The following CEP128 variants were observed in gnomAD, a reference collection of about 807,000 sequenced individuals.
The protein encoded by CEP128 is centrosomal protein 128kDa.
CEP128 carries 132 observed loss-of-function variants against 156.7 expected under a neutral mutation model. The ratio of observed to expected loss-of-function variants is 0.84; its 90% CI spans 0.73 to 0.97. CEP128 has a LOEUF of 0.97. Ranked by LOEUF, CEP128 falls within the 50% of genes least tolerant of loss-of-function variation. CEP128 has a pLI of 0.00. For missense variants in CEP128, 1,252 were observed against 1,281.9 expected, an observed-to-expected ratio of 0.98 and a Z score of 0.36; for synonymous variants, 469 against 448.9, an observed-to-expected ratio of 1.04 and a Z score of -0.57.
intron 14 of CEP128, among the ~76,000 whole-genome samples, chr14:80,788,242 G>T (rs1901514548): frequency 6.7e-6 from 1 of 149,948 alleles, no homozygotes; most frequent in African/African-American, 2.5e-5. Context: ...TTTATCTTGA[G>T]GCAAATCAAA....
intron 7 of CEP128, among the ~76,000 whole-genome samples, chr14:80,897,430 T>C (rs898916124): frequency 2.0e-5 from 3 of 152,202 alleles, no homozygotes; most frequent in Non-Finnish European, 4.4e-5. Flanking sequence ...ACAGAGACTT[T>C]TCCTTTGAGC....
At position 80,512,735 on chromosome 14, in the gene CEP128, C is replaced by T. The variant is rs559547944; in HGVS notation, c.3073-7715G>A. On this transcript the variant is annotated intron_variant, in intron 23 of 24. Coordinates refer to ENST00000555265, the MANE Select transcript of CEP128 (RefSeq NM_152446.5). ...TCTTGCTTTTTATTTTTTGTGTATCCATTGTAGGTTTTTTGATTTAAGGTT... is the reference window on the plus strand; with the variant it reads ...TCTTGCTTTTTATTTTTTGTGTATCTATTGTAGGTTTTTTGATTTAAGGTT... 1.5e-4 allele frequency among the ~76,000 whole-genome samples: 23 copies of T among 151,774 alleles called. No individual in the cohort carries two copies. The South Asian group carries it at 4.4e-3, about 29-fold the overall frequency.
chr14:80,932,503 A>G (rs1007155832), intron 2 of CEP128, among the ~76,000 whole-genome samples: 1 of 152,200 alleles, frequency 6.6e-6, no homozygotes, highest in Non-Finnish European at 1.5e-5. Context: ...TGCACCAAAA[A>G]GCCTGCTTCC....
intron 24 of CEP128, among the ~76,000 whole-genome samples, chr14:80,498,942 T>C (rs997210077): frequency 1.3e-5 from 2 of 152,170 alleles, no homozygotes; most frequent in African/African-American, 2.4e-5. Context: ...AGAGAGTACC[T>C]TGTCAACTTG....
At chr14:80,750,069 C>T (rs1041454298) in intron 18 of CEP128, among the ~76,000 whole-genome samples, 2 of 152,158 alleles carry the variant, frequency 1.3e-5, no homozygotes, top group African/African-American at 2.4e-5. Flanking sequence ...TTTCAACCTC[C>T]TGTCAATAGA....
chr14:80,904,813 C>G lies in CEP128; in HGVS notation c.480G>C (p.Gln160His), dbSNP rs1883787671. The G allele has an allele frequency of 6.7e-7, 1 of 1,486,256 alleles. No homozygotes were observed. The highest frequency in any genetic ancestry group is 1.1e-5 in the South Asian group (1 of 88,512). 92.1% of individuals were successfully genotyped at this position (1,486,256 alleles called of 1,614,324 possible). A position where few individuals can be genotyped will look rare whatever the true frequency, so the allele number is the denominator to read the frequency against. ...RFVQETDDMT[Q>H]LHGFHQSLRD... Reference sequence around the variant, plus strand: ...CAAATTACAGAATGGTACAAAGTACCTGAGTCATATCATCAGTCTCTTGAA... The same window carrying G: ...CAAATTACAGAATGGTACAAAGTACGTGAGTCATATCATCAGTCTCTTGAA... The change falls in exon 6 of 25, where the codon CAG (glutamine) becomes CAC (histidine). Residue 160 changes from glutamine (Q) to histidine (H), a missense_variant and splice_region_variant. Gln to His is a conservative substitution (Grantham distance 24). Coordinates refer to ENST00000555265, the MANE Select transcript of CEP128 (RefSeq NM_152446.5).
At chr14:80,878,691 C>G (rs1017834587) in intron 8 of CEP128, among the ~76,000 whole-genome samples, 3 of 152,078 alleles carry the variant, frequency 2.0e-5, no homozygotes, top group Admixed American at 6.5e-5. Context: ...AGAACCACAG[C>G]TGCTTCCCAA....
chr14:80,532,575 C>T (rs1889277952), intron 21 of CEP128, among the ~76,000 whole-genome samples: 1 of 152,152 alleles, frequency 6.6e-6, no homozygotes, highest in African/African-American at 2.4e-5. Flanking sequence ...CTAACCCTTC[C>T]TTACAGACAC....
intron 19 of CEP128, among the ~76,000 whole-genome samples, chr14:80,721,383 CAT>C (rs1486512735): frequency 1.3e-5 from 2 of 152,142 alleles, no homozygotes; most frequent in Non-Finnish European, 2.9e-5. Context: ...CCATGAGCCA[CAT>C]ATGACTATTA....
At chr14:80,906,189 CA>C (rs991248541) in intron 4 of CEP128, 108 bp from the exon 5 acceptor site, 27 of 783,944 alleles carry the variant, frequency 3.4e-5, no homozygotes, top group Non-Finnish European at 4.4e-5. Flanking sequence ...GGGTTCCCCC[CA>C]AAAAAAGGTA....
intron 8 of CEP128, among the ~76,000 whole-genome samples, chr14:80,883,657 C>T (rs1456920001): frequency 6.6e-6 from 1 of 151,990 alleles, no homozygotes; most frequent in Non-Finnish European, 1.5e-5. Context: ...GTTAAAATGT[C>T]CATACTACCC....
chr14:80,953,182 T>G (rs1415479458), intron 2 of CEP128, among the ~76,000 whole-genome samples: 1 of 150,306 alleles, frequency 6.7e-6, no homozygotes, highest in African/African-American at 2.5e-5. Context: ...TACCAAAATT[T>G]GACAAAGAAG....
At chr14:80,543,091 A>G (rs796695363) in intron 21 of CEP128, among the ~76,000 whole-genome samples, 35 of 152,362 alleles carry the variant, frequency 2.3e-4, no homozygotes, top group African/African-American at 7.5e-4. Flanking sequence ...GGCAGATCAG[A>G]TCTAAACAGA....
chr14:80,862,365 G>C (rs369181630), intron 9 of CEP128, among the ~76,000 whole-genome samples: 31 of 152,290 alleles, frequency 2.0e-4, no homozygotes, highest in African/African-American at 5.8e-4. Context: ...ATGACCCCTG[G>C]TCTAGTCTAT....
intron 19 of CEP128, among the ~76,000 whole-genome samples, chr14:80,733,565 TC>T (rs1898386420): frequency 6.6e-6 from 1 of 152,164 alleles, no homozygotes; most frequent in Non-Finnish European, 1.5e-5. Context: ...AATCTTTTTT[TC>T]AAATCATAAA....
At chr14:80,851,871 C>G (rs1417641202) in intron 9 of CEP128, among the ~76,000 whole-genome samples, 2 of 151,898 alleles carry the variant, frequency 1.3e-5, no homozygotes, top group Non-Finnish European at 2.9e-5. Flanking sequence ...AATCAAGAGG[C>G]ACACTAGGTA....
intron 19 of CEP128, among the ~76,000 whole-genome samples, chr14:80,653,598 G>A (rs772841151): frequency 2.6e-5 from 4 of 152,010 alleles, no homozygotes; most frequent in Non-Finnish European, 4.4e-5. Context: ...TGTCTTCAGA[G>A]TTTTAAAGGA....
chr14:80,777,959 CCT>C lies in CEP128; in HGVS notation c.2297_2298del (p.Glu766GlyfsTer6). 1 of 1,612,882 alleles carries C rather than the reference CCT, an allele frequency of 6.2e-7. No individual in the cohort carries two copies. The highest frequency in any genetic ancestry group is 1.1e-5 in the South Asian group (1 of 91,034). Reference sequence around the variant, plus strand: ...TTCTCATTTTCATTCTGGGTTAATTCCTCTGTCAGTCTGTCACACTGTGATTT... The same window carrying C: ...TTCTCATTTTCATTCTGGGTTAATTCCTGTCAGTCTGTCACACTGTGATTT... ...KLKSQCDRLT[E>X]ELTQNENENK... On this transcript the variant is annotated frameshift_variant, in exon 16 of 25. Coordinates refer to ENST00000555265, the MANE Select transcript of CEP128 (RefSeq NM_152446.5). LOFTEE classifies it high-confidence loss of function.
chr14:80,530,910 C>A, intron 21 of CEP128, 24 bp from the exon 22 acceptor site: 1 of 1,501,330 alleles, frequency 6.7e-7, no homozygotes, highest in Non-Finnish European at 9.1e-7. Context: ...CATAAGGAAA[C>A]CAAACATTAT....
Sources: allele counts gnomAD v4.1 joint callset (sites outside exome capture counted in the v4.1 genomes callset), GRCh38; gene constraint gnomAD v4.1.1; transcripts MANE v1.5; gene names NCBI Gene and HGNC (gene_info 2026-07-23, HGNC 2026-07-21).